PITHD1: variants seen among roughly 807,000 people sequenced by gnomAD.
PITHD1 encodes the protein PITH domain containing 1.
In PITHD1, 8 loss-of-function variants were observed where a neutral mutation model predicts 27.5. The ratio of observed to expected loss-of-function variants is 0.29; its 90% CI spans 0.17 to 0.52. PITHD1 has a LOEUF of 0.52. Among genes scored for constraint, PITHD1 ranks in the 20% least tolerant of loss-of-function variants. The pLI is 0.96. For synonymous variants in PITHD1, 118 were observed against 106.8 expected, an observed-to-expected ratio of 1.10 and a Z score of -0.64; for missense variants, 233 against 283.9, an observed-to-expected ratio of 0.82 and a Z score of 1.29.
chr1:23,779,316 A>C, intron 1 of PITHD1, 122 bp from the exon 2 acceptor site: 1 of 774,384 alleles, frequency 1.3e-6, no homozygotes, highest in South Asian at 1.6e-5. Flanking sequence ...GTCTTGGAAA[A>C]CCAAGGGAGA....
At chr1:23,783,190 A>G (rs1210321644) in intron 3 of PITHD1, among the ~76,000 whole-genome samples, 1 of 149,866 alleles carries the variant, frequency 6.7e-6, no homozygotes, top group Non-Finnish European at 1.5e-5. Flanking sequence ...GTAGAGATAG[A>G]GTTTCACTGT....
rs372633376 is a variant in PITHD1 at position 23,779,477 on chromosome 1, A to G, written c.238A>G (p.Ile80Val). 8.1e-6 allele frequency: 13 copies of G among 1,611,592 alleles called. No homozygotes were observed. The highest frequency in any genetic ancestry group is 1.0e-5 in the Non-Finnish European group (12 of 1,177,850). Reference sequence around the variant, plus strand: ...TGCAGATGAAGAGCTTCTGTTTAATATTCCGTAAGTATCTCCTTGGTGCCT... The same window carrying G: ...TGCAGATGAAGAGCTTCTGTTTAATGTTCCGTAAGTATCTCCTTGGTGCCT... ...SDADEELLFNIPFTGNVKLKG... is the reference protein window; with the variant it reads ...SDADEELLFNVPFTGNVKLKG... The change falls in exon 2 of 6, where the codon ATT (isoleucine) becomes GTT (valine). Residue 80 changes from isoleucine (I) to valine (V), a missense_variant. Ile to Val is a conservative substitution (Grantham distance 29). Transcript: ENST00000246151.
intron 3 of PITHD1, among the ~76,000 whole-genome samples, chr1:23,783,009 ATTTTT>A (rs1638625072): frequency 6.6e-6 from 1 of 151,612 alleles, no homozygotes; most frequent in Admixed American, 6.6e-5. Context: ...ATTTTATTTT[ATTTTT>A]GAGACAGAGT....
intron 3 of PITHD1, 85 bp from the exon 4 acceptor site, chr1:23,785,590 C>T: frequency 2.7e-6 from 2 of 732,416 alleles, no homozygotes; most frequent in Non-Finnish European, 4.8e-6. Context: ...AGAACCAAAG[C>T]CATTTAAGCA....
intron 3 of PITHD1, among the ~76,000 whole-genome samples, chr1:23,784,623 G>A (rs1437592717): frequency 6.6e-6 from 1 of 152,158 alleles, no homozygotes; most frequent in Non-Finnish European, 1.5e-5. Flanking sequence ...CCCTGGAATT[G>A]GTGGGGACAT....
chr1:23,781,689 GA>G (rs1348513052), intron 3 of PITHD1, among the ~76,000 whole-genome samples: 1 of 152,142 alleles, frequency 6.6e-6, no homozygotes, highest in Non-Finnish European at 1.5e-5. Flanking sequence ...TAGAGTGTGG[GA>G]TCTGGAGTAA....
At chr1:23,782,902 C>CA (rs199719605) in intron 3 of PITHD1, among the ~76,000 whole-genome samples, 3,053 of 149,524 alleles carry the variant, frequency 0.02, 93 homozygotes, top group African/African-American at 0.069. Context: ...TGCACCCAGC[C>CA]AAAAAAAAAT....
intron 3 of PITHD1, among the ~76,000 whole-genome samples, chr1:23,783,292 T>TCTAC (rs1638629651): frequency 1.3e-5 from 2 of 150,788 alleles, no homozygotes; most frequent in East Asian, 1.9e-4. Flanking sequence ...TGTGTATATA[T>TCTAC]ATATGTATAT....
intron 5 of PITHD1, 44 bp downstream of exon 5, chr1:23,786,467 T>A: frequency 1.2e-6 from 1 of 852,974 alleles, no homozygotes; most frequent in Non-Finnish European, 1.9e-6. Context: ...TCTACATATC[T>A]GCACACTGTG....
intron 5 of PITHD1, 44 bp downstream of exon 5, chr1:23,786,467 T>G: frequency 3.5e-6 from 3 of 852,976 alleles, no homozygotes; most frequent in Non-Finnish European, 5.8e-6. Context: ...TCTACATATC[T>G]GCACACTGTG....
At position 23,787,308 on chromosome 1, in the gene PITHD1, G is replaced by A. The variant is rs377557353; in HGVS notation, c.568G>A (p.Glu190Lys). ...ACACGAGGTGACCATCTGCAATTACGAAGCATCTGCCAACCCAGCAGACCA... is the reference window on the plus strand; with the variant it reads ...ACACGAGGTGACCATCTGCAATTACAAAGCATCTGCCAACCCAGCAGACCA... ...RRHEVTICNY[E>K]ASANPADHRV... Residue 190 changes from glutamate to lysine, a missense_variant, in exon 6 of 6, where the codon GAA becomes AAA. Coordinates refer to ENST00000246151, the MANE Select transcript of PITHD1 (RefSeq NM_020362.5). 6.2e-6 allele frequency: 10 copies of A among 1,613,668 alleles called. No individual in the cohort carries two copies. Among genetic ancestry groups the A allele is most frequent in the African/African-American group, 2.7e-5 (2 of 74,896 alleles).
Position 23,787,669 on chromosome 1 carries a change from A to G in PITHD1, c.*293A>G, listed in dbSNP as rs1018670596. 1 of 219,886 alleles carries G rather than the reference A, an allele frequency of 4.5e-6. No individual in the cohort carries two copies. The highest frequency in any genetic ancestry group is 1.0e-4 in the East Asian group (1 of 10,040). 13.6% of individuals were successfully genotyped at this position (219,886 alleles called of 1,614,324 possible). A position where few individuals can be genotyped will look rare whatever the true frequency, so the allele number is the denominator to read the frequency against. On this transcript the variant is annotated 3_prime_UTR_variant, in exon 6 of 6. Transcript: ENST00000246151. ...ACTTGCTTTTCCAGTTAATGTGGCC[A>G]TGTGATTCCAAGTGTCATGTTGCTT...
At chr1:23,780,519 A>G (rs191606469) in intron 3 of PITHD1, among the ~76,000 whole-genome samples, 1 of 152,300 alleles carries the variant, frequency 6.6e-6, no homozygotes, top group East Asian at 1.9e-4. Context: ...CTGGAGAAAC[A>G]TATAAGAAGA....
In PITHD1 at chr1:23,778,640, G is replaced by A; in HGVS notation, c.125G>A (p.Cys42Tyr). ...CGCATCGACCTGGAGCGGCTGCAATGCCTTAACGAGAGCCGCGAGGGCAGC... is the reference window on the plus strand; with the variant it reads ...CGCATCGACCTGGAGCGGCTGCAATACCTTAACGAGAGCCGCGAGGGCAGC... ...YLRIDLERLQ[C>Y]LNESREGSGR... Residue 42 changes from cysteine (C) to tyrosine (Y), a missense_variant, in exon 1 of 6, where the codon TGC becomes TAC. Cys to Tyr is a radical substitution (Grantham distance 194). Transcript: ENST00000246151. The A allele has an allele frequency of 7.5e-7, 1 of 1,330,588 alleles. No homozygotes were observed. Among genetic ancestry groups the A allele is most frequent in the East Asian group, 3.0e-5 (1 of 33,158 alleles). The allele number at this position is 1,330,588 out of a possible 1,614,324, so 82.4% of individuals were successfully genotyped here.
chr1:23,787,871 C>G lies in PITHD1; in HGVS notation c.*495C>G, dbSNP rs1475124449. On this transcript the variant is annotated 3_prime_UTR_variant, in exon 6 of 6. Transcript: ENST00000246151. ...CTTGCTCCTTTCCCCTCTCATTGTT[C>G]AGCATTCTTGTCAAGTTGCCCAGCT... is the stretch of plus-strand genomic sequence containing the variant. 1 of 152,658 alleles carries G rather than the reference C, an allele frequency of 6.6e-6. No individual in the cohort carries two copies. The highest frequency in any genetic ancestry group is 1.5e-5 in the Non-Finnish European group (1 of 68,428). The allele number at this position is 152,658 out of a possible 1,614,324, so 9.5% of individuals were successfully genotyped here. A position where few individuals can be genotyped will look rare whatever the true frequency, so the allele number is the denominator to read the frequency against.
intron 2 of PITHD1, 147 bp from the exon 3 acceptor site, chr1:23,779,717 G>A (rs1638567320): frequency 5.8e-6 from 4 of 687,748 alleles, no homozygotes; most frequent in African/African-American, 3.6e-5. Flanking sequence ...GAATGCTAGA[G>A]GTAGACAGGA....
chr1:23,784,388 C>G (rs1261776776), intron 3 of PITHD1, among the ~76,000 whole-genome samples: 1 of 151,794 alleles, frequency 6.6e-6, no homozygotes, highest in Non-Finnish European at 1.5e-5. Context: ...CTACAGGCGC[C>G]TGCCACCACG....
chr1:23,785,603 C>T, intron 3 of PITHD1, 72 bp from the exon 4 acceptor site: 3 of 834,858 alleles, frequency 3.6e-6, no homozygotes, highest in Non-Finnish European at 6.0e-6. Context: ...TTTAAGCAGT[C>T]AGTAGAAAAT....
At chr1:23,787,126 T>C (rs1431016200) in intron 5 of PITHD1, 149 bp from the exon 6 acceptor site, 5 of 529,700 alleles carry the variant, frequency 9.4e-6, no homozygotes, top group Admixed American at 6.7e-5. Context: ...TTGGGAGATA[T>C]TAGATGATGA....
Sources: gnomAD v4.1 joint callset for allele counts (sites outside exome capture counted in the v4.1 genomes callset) on GRCh38, gnomAD v4.1.1 for gene constraint, MANE v1.5 for transcripts, NCBI Gene and HGNC (gene_info 2026-07-23, HGNC 2026-07-21) for gene names.